METTL6: variants seen among roughly 807,000 people sequenced by gnomAD.
METTL6 encodes the protein tRNA N(3)-cytidine methyltransferase METTL6.
METTL6 carries 22 observed loss-of-function variants against 26.4 expected under a neutral mutation model. The ratio of observed to expected loss-of-function variants is 0.83; its 90% CI spans 0.59 to 1.19. METTL6 has a LOEUF of 1.19. Among genes scored for constraint, METTL6 ranks in the 50% most tolerant of loss-of-function variants. METTL6 has a pLI of 0.00. For missense variants in METTL6, 304 were observed against 324.8 expected (o/e 0.94, Z 0.49); for synonymous variants, 109 against 116.2 (o/e 0.94, Z 0.40).
At chr3:15,387,528 G>A (rs1174426384) in intron 6 of METTL6, among the ~76,000 whole-genome samples, 1 of 152,090 alleles carries the variant, frequency 6.6e-6, no homozygotes, top group East Asian at 1.9e-4. Flanking sequence ...AGGGGCCAAG[G>A]GAAAAACTTC....
intron 3 of METTL6, among the ~76,000 whole-genome samples, chr3:15,421,155 G>C (rs1258613898): frequency 6.6e-6 from 1 of 152,152 alleles, no homozygotes; most frequent in African/African-American, 2.4e-5. Context: ...GTCTATAGGT[G>C]CATTTTTAGT....
In METTL6 at chr3:15,411,499, C is replaced by G. The variant is rs188251154; in HGVS notation, c.674-62G>C. ...ATAACATTACATTTGCTTTGCAGTC[C>G]TTGAGGAGGGATAGAGGGCTGAGGC... On this transcript the variant is annotated intron_variant, in intron 5 of 5. Coordinates refer to ENST00000383790, the MANE Select transcript of METTL6 (RefSeq NM_152396.4). The G allele has an allele frequency of 4.4e-4, 668 of 1,502,104 alleles. 4 individuals are homozygous for G. Among genetic ancestry groups the G allele is most frequent in the Non-Finnish European group, 6.1e-5 (68 of 1,107,448 alleles). 93.0% of individuals were successfully genotyped at this position (1,502,104 alleles called of 1,614,324 possible). A position where few individuals can be genotyped will look rare whatever the true frequency, so the allele number is the denominator to read the frequency against.
intron 6 of METTL6, among the ~76,000 whole-genome samples, chr3:15,398,797 C>A (rs1699560736): frequency 6.6e-6 from 1 of 152,062 alleles, no homozygotes; most frequent in African/African-American, 2.4e-5. Context: ...CTGCAGGGAG[C>A]CATGATCATG....
intron 6 of METTL6, among the ~76,000 whole-genome samples, chr3:15,385,100 T>C (rs1454846602): frequency 1.3e-5 from 2 of 151,812 alleles, no homozygotes; most frequent in African/African-American, 2.4e-5. Flanking sequence ...CTAGGAACAA[T>C]TGTTTAAAGG....
At position 15,410,423 on chromosome 3, in the gene METTL6, AGCTAACCT is replaced by A. The variant is rs771217066; in HGVS notation, c.*825_*832del. 2.6e-5 allele frequency among the ~76,000 whole-genome samples: 4 copies of A among 152,048 alleles called. No individual in the cohort carries two copies. The highest frequency in any genetic ancestry group is 5.9e-5 in the Non-Finnish European group (4 of 67,996). On this transcript the variant is annotated 3_prime_UTR_variant, in exon 6 of 6. Transcript: ENST00000383790. ...CTGCAACCTCCACCTTCCAGGCTCAAGCTAACCTCCCACCCCAGCTGGGACTACAGGCA... is the reference window on the plus strand; with the variant it reads ...CTGCAACCTCCACCTTCCAGGCTCAACCCACCCCAGCTGGGACTACAGGCA...
chr3:15,427,163 T>C (rs1575446371), intron 1 of METTL6, among the ~76,000 whole-genome samples: 3 of 152,300 alleles, frequency 2.0e-5, no homozygotes, highest in East Asian at 1.9e-4. Flanking sequence ...TTGCAGGGAC[T>C]GAGACCCTCG....
intron 6 of METTL6, among the ~76,000 whole-genome samples, chr3:15,404,364 C>T (rs1015819098): frequency 5.3e-5 from 8 of 152,064 alleles, no homozygotes; most frequent in Non-Finnish European, 7.4e-5. Context: ...TTATTTGAGA[C>T]GGAGTTTTGC....
At position 15,415,551 on chromosome 3, in the gene METTL6, G is replaced by A. The variant is rs144161131; in HGVS notation, c.531+221C>T. ...TAACTGCAAAATCATCCTTGTCCCA[G>A]GGCTGGCGAAGCTCTGAAGAGCAGC... On this transcript the variant is annotated intron_variant, in intron 4 of 5. Transcript: ENST00000383790. 10 of 1,600,114 alleles carry A rather than the reference G, an allele frequency of 6.2e-6. No homozygotes were observed. In the East Asian group the frequency reaches 2.0e-4, roughly 32 times the overall value.
chr3:15,392,106 G>A (rs964216564), intron 6 of METTL6, among the ~76,000 whole-genome samples: 1 of 152,060 alleles, frequency 6.6e-6, no homozygotes. Flanking sequence ...CTAGTTTACA[G>A]TCCCACCAAC....
downstream of METTL6, among the ~76,000 whole-genome samples, chr3:15,407,617 C>G (rs536486539): frequency 4.6e-5 from 7 of 152,298 alleles, no homozygotes; most frequent in South Asian, 1.2e-3. Flanking sequence ...ACATCAAACC[C>G]TCCACTGAGA....
chr3:15,419,636 T>C (rs1214463488), intron 3 of METTL6, among the ~76,000 whole-genome samples: 1 of 152,152 alleles, frequency 6.6e-6, no homozygotes, highest in Non-Finnish European at 1.5e-5. Flanking sequence ...ATTGGTGAAA[T>C]TATAAATTAG....
At chr3:15,413,126 T>A (rs1700043014) in intron 5 of METTL6, among the ~76,000 whole-genome samples, 1 of 152,152 alleles carries the variant, frequency 6.6e-6, no homozygotes, top group Non-Finnish European at 1.5e-5. Context: ...ACACTTGTAA[T>A]CCTTGCTACT....
intron 6 of METTL6, chr3:15,384,598 G>C (rs929467807): frequency 3.9e-5 from 6 of 154,366 alleles, no homozygotes; most frequent in African/African-American, 9.7e-5. Context: ...AATTAGTTGG[G>C]TGTGATGGCA....
intron 6 of METTL6, among the ~76,000 whole-genome samples, chr3:15,389,870 TA>T (rs1553625002): frequency 3.6e-4 from 54 of 148,262 alleles, no homozygotes; most frequent in African/African-American, 1.1e-3. Flanking sequence ...TTTTTTTTTT[TA>T]AAGAGAAAGA....
intron 4 of METTL6, chr3:15,415,481 A>T (rs1430087413): frequency 6.3e-7 from 1 of 1,582,464 alleles, no homozygotes; most frequent in South Asian, 1.1e-5. Flanking sequence ...TGACCACTAA[A>T]CCATAACTCC....
intron 3 of METTL6, among the ~76,000 whole-genome samples, chr3:15,422,111 A>C (rs2061623097): frequency 6.6e-6 from 1 of 151,814 alleles, no homozygotes; most frequent in Non-Finnish European, 1.5e-5. Context: ...GGATCTCTTG[A>C]GCCCAGGAGT....
At chr3:15,393,959 T>C (rs1014761777) in intron 6 of METTL6, among the ~76,000 whole-genome samples, 14 of 152,224 alleles carry the variant, frequency 9.2e-5, no homozygotes, top group Non-Finnish European at 1.9e-4. Context: ...TAAAATTCTC[T>C]TCTTTTGTTG....
At chr3:15,423,755 T>C (rs2061658987) in intron 3 of METTL6, among the ~76,000 whole-genome samples, 1 of 151,682 alleles carries the variant, frequency 6.6e-6, no homozygotes, top group Non-Finnish European at 1.5e-5. Flanking sequence ...CGGTGGCACA[T>C]GCCTGTAGTC....
intron 6 of METTL6, among the ~76,000 whole-genome samples, chr3:15,404,610 C>T (rs1344787020): frequency 1.3e-5 from 2 of 151,964 alleles, no homozygotes; most frequent in South Asian, 4.2e-4. Context: ...CTCGGCCTCC[C>T]AAAGTGCTGG....
Sources: allele counts gnomAD v4.1 joint callset (sites outside exome capture counted in the v4.1 genomes callset), GRCh38; gene constraint gnomAD v4.1.1; transcripts MANE v1.5; gene names NCBI Gene and HGNC (gene_info 2026-07-23, HGNC 2026-07-21).